The following TENM3 variants were observed in gnomAD, a reference collection of about 807,000 sequenced individuals.
The protein encoded by TENM3 is teneurin transmembrane protein 3, also known as teneurin-3.
TENM3 carries 63 observed loss-of-function variants against 255.1 expected under a neutral mutation model. The observed-to-expected ratio is 0.25, with a 90% confidence interval of 0.20 to 0.30. The LOEUF is 0.30. TENM3 is among the 10% of genes least tolerant of loss of function. The pLI, the probability that TENM3 is intolerant of heterozygous loss-of-function variation, is 1.00. For missense variants in TENM3, 2,929 were observed against 3,461.1 expected, an observed-to-expected ratio of 0.85 and a Z score of 3.86; for synonymous variants, 1,306 against 1,322.3, an observed-to-expected ratio of 0.99 and a Z score of 0.27.
chr4:182,216,845 G>C (rs993677718), intron 1 of TENM3, among the ~76,000 whole-genome samples: 2 of 151,922 alleles, frequency 1.3e-5, no homozygotes, highest in African/African-American at 4.8e-5. Context: ...AAACGATTCA[G>C]GTGTTTTCTA....
chr4:182,458,449 T>G (rs1424235490), intron 3 of TENM3, among the ~76,000 whole-genome samples: 1 of 152,196 alleles, frequency 6.6e-6, no homozygotes, highest in African/African-American at 2.4e-5. Flanking sequence ...GTTAGGAAGT[T>G]GAGTAAATTA....
chr4:181,953,763 A>T, the TENM3 span, among the ~76,000 whole-genome samples: 1 of 152,150 alleles, frequency 6.6e-6, no homozygotes, highest in Admixed American at 6.5e-5. Context: ...TCAGGATTGT[A>T]TTTTTTTAAT....
chr4:182,100,835 A>G, the TENM3 span, among the ~76,000 whole-genome samples: 2 of 6,870 alleles, frequency 2.9e-4, 1 homozygote, highest in Non-Finnish European at 7.4e-4. Context: ...ATATATATAT[A>G]TATACTCATA....
At chr4:182,640,127 T>A (rs1291140284) in intron 5 of TENM3, among the ~76,000 whole-genome samples, 2 of 152,186 alleles carry the variant, frequency 1.3e-5, no homozygotes, top group African/African-American at 4.8e-5. Flanking sequence ...TGATTTCTAT[T>A]CATATCAAGA....
the TENM3 span, among the ~76,000 whole-genome samples, chr4:181,479,045 C>T: frequency 1.3e-5 from 2 of 152,160 alleles, no homozygotes; most frequent in East Asian, 3.8e-4. Flanking sequence ...GAATTTGACT[C>T]AGTAGTGAAG....
chr4:182,030,416 T>C, the TENM3 span, among the ~76,000 whole-genome samples: 2 of 152,230 alleles, frequency 1.3e-5, no homozygotes, highest in South Asian at 4.1e-4. Context: ...ATGATGTTGT[T>C]CCTTTTCATG....
the TENM3 span, among the ~76,000 whole-genome samples, chr4:181,605,754 G>T: frequency 1.3e-5 from 2 of 152,108 alleles, no homozygotes; most frequent in Non-Finnish European, 2.9e-5. Context: ...CTTAGAAATG[G>T]TATTTTTGGA....
chr4:181,493,644 G>A, the TENM3 span, among the ~76,000 whole-genome samples: 2 of 151,988 alleles, frequency 1.3e-5, no homozygotes, highest in African/African-American at 4.8e-5. Flanking sequence ...CTACTTGGGA[G>A]GCTGAGGCAG....
the TENM3 span, among the ~76,000 whole-genome samples, chr4:181,645,610 C>T: frequency 3.3e-5 from 5 of 152,006 alleles, no homozygotes; most frequent in African/African-American, 1.2e-4. Flanking sequence ...AGTGATGGAA[C>T]CTCTCAAAAA....
intron 18 of TENM3, among the ~76,000 whole-genome samples, chr4:182,742,898 G>T: frequency 6.6e-6 from 1 of 152,168 alleles, no homozygotes; most frequent in Non-Finnish European, 1.5e-5. Flanking sequence ...GAGAATTGGG[G>T]TTTTAATTCT....
the TENM3 span, among the ~76,000 whole-genome samples, chr4:181,641,554 G>GTGTATATATATATA: frequency 2.2e-4 from 6 of 26,902 alleles, no homozygotes; most frequent in African/African-American, 3.1e-4. Flanking sequence ...TGGTGTGTGT[G>GTGTATATATATATA]TATATATATA....
chr4:181,807,036 G>C, the TENM3 span, among the ~76,000 whole-genome samples: 1 of 152,144 alleles, frequency 6.6e-6, no homozygotes, highest in South Asian at 2.1e-4. Flanking sequence ...CCTTCACCAG[G>C]CCTTCTCCTG....
chr4:182,061,166 A>G, the TENM3 span, among the ~76,000 whole-genome samples: 470 of 152,248 alleles, frequency 3.1e-3, 2 homozygotes, highest in Non-Finnish European at 4.3e-3. Flanking sequence ...TTGCTGTTGA[A>G]TTTTGTCCTT....
chr4:182,264,361 G>A (rs1451350201), intron 1 of TENM3, among the ~76,000 whole-genome samples: 1 of 152,226 alleles, frequency 6.6e-6, no homozygotes, highest in Non-Finnish European at 1.5e-5. Context: ...AAGTCTCCAC[G>A]TTGTTTTATG....
chr4:182,752,533 A>G (rs1762447042), intron 20 of TENM3, among the ~76,000 whole-genome samples: 1 of 160 alleles, frequency 6.3e-3, no homozygotes, highest in African/African-American at 0.011. Context: ...AACAGGGCTA[A>G]AAAAATTCTA....
rs1409930427 is a variant in TENM3, at chr4:182,679,672, T to A, written c.1333T>A (p.Phe445Ile). The change falls in exon 8 of 28, where the codon TTC (phenylalanine) becomes ATC (isoleucine). Residue 445 changes from phenylalanine to isoleucine, a missense_variant. This residue lies in a region of TENM3 where 1,608 missense variants were observed against 1,884.4 expected (regional missense o/e 0.85). Transcript: ENST00000511685. Reference protein sequence around the residue: ...GLPPSHTQYDFVELLDGSRLI... With the variant: ...GLPPSHTQYDIVELLDGSRLI... ...TTCCTCGTCCTCCCCCCAGTATGAC[T>A]TCGTGGAGCTCCTGGATGGCAGCAG... 1 of 1,611,952 alleles carries A rather than the reference T, an allele frequency of 6.2e-7. No homozygotes were observed. The highest frequency in any genetic ancestry group is 8.5e-7 in the Non-Finnish European group (1 of 1,179,414).
At chr4:182,160,073 G>T (rs981830137) in intron 1 of TENM3, among the ~76,000 whole-genome samples, 3 of 149,380 alleles carry the variant, frequency 2.0e-5, no homozygotes, top group African/African-American at 4.9e-5. Flanking sequence ...TGCGATCTCG[G>T]CTCACTGCAA....
chr4:182,155,579 T>C (rs1319216579), intron 1 of TENM3, among the ~76,000 whole-genome samples: 1 of 152,150 alleles, frequency 6.6e-6, no homozygotes. Context: ...CTCTAGACTT[T>C]CATAATCTTT....
chr4:181,580,894 A>C, the TENM3 span, among the ~76,000 whole-genome samples: 1 of 152,198 alleles, frequency 6.6e-6, no homozygotes, highest in African/African-American at 2.4e-5. Context: ...GGTTTTGCCA[A>C]GTAGGACATC....
Sources: gnomAD v4.1 joint callset for allele counts (sites outside exome capture counted in the v4.1 genomes callset) on GRCh38, gnomAD v4.1.1 for gene constraint, gnomAD v4.1.1 regional missense constraint, MANE v1.5 for transcripts, NCBI Gene and HGNC (gene_info 2026-07-23, HGNC 2026-07-21) for gene names.